GAS7: variants seen among roughly 807,000 people sequenced by gnomAD.
GAS7 encodes the protein growth arrest-specific protein 7.
GAS7 carries 28 observed loss-of-function variants against 71.1 expected under a neutral mutation model. The observed-to-expected ratio is 0.39, with a 90% CI of 0.29 to 0.54. The LOEUF (loss-of-function observed/expected upper bound fraction) is 0.54, where lower values mean the gene tolerates loss of function less well. Ranked by LOEUF, GAS7 falls within the 20% of genes least tolerant of loss-of-function variation. The pLI, the probability that GAS7 is intolerant of heterozygous loss-of-function variation, is 0.62. For synonymous variants in GAS7, 258 were observed against 245.8 expected, an observed-to-expected ratio of 1.05 and a Z score of -0.46; for missense variants, 436 against 627.8, an observed-to-expected ratio of 0.69 and a Z score of 3.27.
At chr17:9,971,010 G>A (rs983559832) in intron 3 of GAS7, among the ~76,000 whole-genome samples, 3 of 152,168 alleles carry the variant, frequency 2.0e-5, no homozygotes, top group African/African-American at 7.2e-5. Context: ...ATAATTCTAC[G>A]TATTCTCCTG....
At chr17:10,148,667 T>C (rs2074139943) in intron 1 of GAS7, among the ~76,000 whole-genome samples, 1 of 147,220 alleles carries the variant, frequency 6.8e-6, no homozygotes, top group African/African-American at 2.5e-5. Context: ...ATCCCAGCAC[T>C]CTGGGAGGCT....
At chr17:9,932,489 G>T (rs963192505) in intron 9 of GAS7, among the ~76,000 whole-genome samples, 5 of 152,192 alleles carry the variant, frequency 3.3e-5, no homozygotes, top group African/African-American at 1.2e-4. Context: ...CACCACGCCT[G>T]GCCCCTTTCT....
At chr17:9,987,993 G>T (rs2070705691) in intron 2 of GAS7, among the ~76,000 whole-genome samples, 1 of 152,348 alleles carries the variant, frequency 6.6e-6, no homozygotes, top group African/African-American at 2.4e-5. Flanking sequence ...CCGGCTCTCT[G>T]CTGCCCCCTG....
chr17:10,092,770 A>G (rs2073597929), intron 1 of GAS7, among the ~76,000 whole-genome samples: 1 of 152,122 alleles, frequency 6.6e-6, no homozygotes, highest in South Asian at 2.1e-4. Flanking sequence ...TCTCTTCCAG[A>G]TTCTCTGGTA....
intron 1 of GAS7, among the ~76,000 whole-genome samples, chr17:10,160,114 C>T (rs2074240289): frequency 6.6e-6 from 1 of 152,124 alleles, no homozygotes; most frequent in South Asian, 2.1e-4. Context: ...CCATATTGCC[C>T]AGGCTGGTCT....
intron 1 of GAS7, among the ~76,000 whole-genome samples, chr17:10,105,769 G>T (rs964519085): frequency 6.6e-6 from 1 of 152,080 alleles, no homozygotes; most frequent in Non-Finnish European, 1.5e-5. Flanking sequence ...TCTTGTTTGC[G>T]TCTGTCAGCT....
intron 2 of GAS7, among the ~76,000 whole-genome samples, chr17:9,992,775 C>A (rs1473845497): frequency 7.2e-6 from 1 of 139,324 alleles, no homozygotes; most frequent in Non-Finnish European, 1.5e-5. Context: ...CCACAACAGT[C>A]CCCAGAGTGT....
intron 8 of GAS7, among the ~76,000 whole-genome samples, chr17:9,937,708 C>T (rs575207517): frequency 7.7e-4 from 118 of 152,348 alleles, no homozygotes; most frequent in African/African-American, 2.8e-3. Context: ...GGATTTCAAG[C>T]CACGAAGGCA....
intron 1 of GAS7, among the ~76,000 whole-genome samples, chr17:10,158,789 G>A (rs1424853156): frequency 6.6e-6 from 1 of 151,436 alleles, no homozygotes. Context: ...GCACAGTGGG[G>A]CACACCTGTA....
intron 1 of GAS7, among the ~76,000 whole-genome samples, chr17:10,126,293 T>G (rs2073945831): frequency 6.6e-6 from 1 of 151,910 alleles, no homozygotes; most frequent in Non-Finnish European, 1.5e-5. Context: ...GAAAGAGAAA[T>G]CACATGCACA....
intron 4 of GAS7, among the ~76,000 whole-genome samples, chr17:9,967,082 C>T (rs11653099): frequency 0.49 from 74,398 of 151,472 alleles, 18,377 homozygotes; most frequent in African/African-American, 0.53. Context: ...TGACTCAATC[C>T]GCCTGTCTTT....
chr17:10,159,138 T>C, intron 1 of GAS7, among the ~76,000 whole-genome samples: 1 of 140,388 alleles, frequency 7.1e-6, no homozygotes, highest in South Asian at 2.3e-4. Context: ...CCCTACACGT[T>C]CACCCAAATG....
intron 3 of GAS7, among the ~76,000 whole-genome samples, chr17:9,970,787 T>C (rs1380983512): frequency 6.6e-6 from 1 of 152,226 alleles, no homozygotes. Flanking sequence ...TGATATGTAG[T>C]ATCTGTCGAT....
intron 1 of GAS7, among the ~76,000 whole-genome samples, chr17:10,145,517 G>A (rs1240452644): frequency 1.3e-5 from 2 of 152,178 alleles, no homozygotes; most frequent in Admixed American, 6.5e-5. Flanking sequence ...GGCCCTGGTG[G>A]CCTGTCCTGG....
At chr17:10,131,045 G>A (rs1181744911) in intron 1 of GAS7, among the ~76,000 whole-genome samples, 5 of 152,162 alleles carry the variant, frequency 3.3e-5, no homozygotes, top group Non-Finnish European at 7.4e-5. Context: ...AACATAAAAG[G>A]TATCTTGCTG....
chr17:10,015,062 A>G (rs557375602), intron 2 of GAS7, among the ~76,000 whole-genome samples: 120 of 152,002 alleles, frequency 7.9e-4, no homozygotes, highest in African/African-American at 2.8e-3. Flanking sequence ...GGCTGAGGCA[A>G]GAGAATCGCT....
intron 1 of GAS7, among the ~76,000 whole-genome samples, chr17:10,095,331 T>G (rs908757916): frequency 3.9e-5 from 6 of 152,192 alleles, no homozygotes; most frequent in Admixed American, 3.3e-4. Flanking sequence ...CCCTTCCTGA[T>G]CTGACCATTC....
chr17:9,962,870 T>A (rs2069553879), intron 4 of GAS7, among the ~76,000 whole-genome samples: 1 of 151,634 alleles, frequency 6.6e-6, no homozygotes, highest in Admixed American at 6.6e-5. Flanking sequence ...CCAACCTGGG[T>A]GGTTGTGCCC....
intron 5 of GAS7, among the ~76,000 whole-genome samples, chr17:9,950,433 G>A (rs2068958562): frequency 1.3e-5 from 2 of 152,098 alleles, no homozygotes; most frequent in South Asian, 4.1e-4. Flanking sequence ...GATCTCTTGA[G>A]CCTGGGAGGT....
Sources: gnomAD v4.1 joint callset for allele counts (sites outside exome capture counted in the v4.1 genomes callset) on GRCh38, gnomAD v4.1.1 for gene constraint, MANE v1.5 for transcripts, NCBI Gene and HGNC (gene_info 2026-07-23, HGNC 2026-07-21) for gene names.